The following PDE4D variants were observed in gnomAD, a reference collection of about 807,000 sequenced individuals.
PDE4D encodes phosphodiesterase 4D, also known as 3',5'-cyclic-AMP phosphodiesterase 4D.
PDE4D carries 24 observed loss-of-function variants against 87.4 expected under a neutral mutation model. The ratio of observed to expected loss-of-function variants is 0.27; its 90% CI spans 0.20 to 0.39. The LOEUF (loss-of-function observed/expected upper bound fraction) is 0.39. Ranked by LOEUF, PDE4D falls within the 10% of genes least tolerant of loss-of-function variation. PDE4D has a pLI of 1.00. For synonymous variants in PDE4D, 384 were observed against 383.2 expected (o/e 1.00, Z -0.02); for missense variants, 714 against 1,041.0 (o/e 0.69, Z 4.32).
At chr5:59,199,953 T>C (rs538737095) in intron 2 of PDE4D, among the ~76,000 whole-genome samples, 6 of 151,598 alleles carry the variant, frequency 4.0e-5, no homozygotes, top group African/African-American at 1.5e-4. Context: ...TATACATACA[T>C]GTATACATAC....
chr5:59,126,159 G>C (rs1410200062), intron 5 of PDE4D, among the ~76,000 whole-genome samples: 1 of 148,086 alleles, frequency 6.8e-6, no homozygotes, highest in East Asian at 1.9e-4. Context: ...AAAAGGAAGG[G>C]AAGAAGGAAG....
chr5:59,213,683 C>T (rs1056826267), intron 2 of PDE4D, among the ~76,000 whole-genome samples: 1 of 152,082 alleles, frequency 6.6e-6, no homozygotes, highest in Admixed American at 6.6e-5. Flanking sequence ...ACTTTCAATT[C>T]ACTCCTTAAC....
intron 1 of PDE4D, among the ~76,000 whole-genome samples, chr5:59,537,631 A>C (rs1343518503): frequency 6.6e-6 from 1 of 152,210 alleles, no homozygotes; most frequent in Non-Finnish European, 1.5e-5. Flanking sequence ...GAAACTTTGC[A>C]GAATCATTTA....
chr5:59,372,545 G>A (rs1437462663), intron 1 of PDE4D, among the ~76,000 whole-genome samples: 1 of 152,114 alleles, frequency 6.6e-6, no homozygotes, highest in Non-Finnish European at 1.5e-5. Flanking sequence ...GTAAACACGT[G>A]GGCTGTACAG....
intron 1 of PDE4D, among the ~76,000 whole-genome samples, chr5:59,328,398 G>A (rs777764255): frequency 2.0e-4 from 30 of 152,178 alleles, no homozygotes; most frequent in Admixed American, 1.2e-3. Flanking sequence ...TTATATGGGA[G>A]TACATTCTAG....
chr5:60,065,541 C>T (rs370638488), intron 2 of PDE4D, among the ~76,000 whole-genome samples: 2 of 151,664 alleles, frequency 1.3e-5, no homozygotes, highest in East Asian at 3.9e-4. Flanking sequence ...TACCCATTAA[C>T]TCATCATTTA....
At chr5:60,340,165 T>C (rs376991721) in intron 1 of PDE4D, among the ~76,000 whole-genome samples, 1 of 136,498 alleles carries the variant, frequency 7.3e-6, no homozygotes, top group Non-Finnish European at 1.7e-5. Context: ...CACGGCGCGA[T>C]GTTCAGGGAA....
chr5:60,298,082 G>T (rs1223022741), intron 1 of PDE4D, among the ~76,000 whole-genome samples: 1 of 151,914 alleles, frequency 6.6e-6, no homozygotes, highest in Non-Finnish European at 1.5e-5. Flanking sequence ...TCATTTGGCT[G>T]TGGTTTACAT....
At chr5:59,428,698 A>T (rs539771864) in intron 1 of PDE4D, among the ~76,000 whole-genome samples, 23 of 152,318 alleles carry the variant, frequency 1.5e-4, no homozygotes, top group African/African-American at 5.3e-4. Flanking sequence ...GAATAAAAAG[A>T]CAACCTCTAT....
chr5:59,803,941 C>CTATATAT (rs1767445394), intron 1 of PDE4D, among the ~76,000 whole-genome samples: 12 of 152,194 alleles, frequency 7.9e-5, no homozygotes, highest in Admixed American at 1.3e-4. Context: ...AAAATAGTTA[C>CTATATAT]AAACTTGTAT....
intron 3 of PDE4D, among the ~76,000 whole-genome samples, chr5:59,932,058 C>T (rs982963314): frequency 6.6e-6 from 1 of 152,108 alleles, no homozygotes; most frequent in Non-Finnish European, 1.5e-5. Context: ...AGCCATGGCA[C>T]ATATGCCTTT....
intron 2 of PDE4D, among the ~76,000 whole-genome samples, chr5:60,129,563 A>C (rs1029800626): frequency 6.6e-6 from 1 of 152,164 alleles, no homozygotes; most frequent in Non-Finnish European, 1.5e-5. Flanking sequence ...TGTGGAACCC[A>C]TGTGAATGTA....
chr5:60,323,608 G>A (rs997763084), intron 1 of PDE4D, among the ~76,000 whole-genome samples: 1 of 152,140 alleles, frequency 6.6e-6, no homozygotes, highest in Admixed American at 6.5e-5. Flanking sequence ...GCTAAAAAGA[G>A]CTGTCTAAAT....
intron 1 of PDE4D, among the ~76,000 whole-genome samples, chr5:59,260,468 T>C (rs1361848616): frequency 6.6e-6 from 1 of 151,858 alleles, no homozygotes; most frequent in African/African-American, 2.4e-5. Flanking sequence ...TCTATCTCTT[T>C]TATACACTTA....
intron 1 of PDE4D, chr5:59,430,216 A>G (rs1272719170): frequency 1.1e-5 from 13 of 1,189,496 alleles, no homozygotes; most frequent in Non-Finnish European, 1.4e-5. Flanking sequence ...CCATTTCAGC[A>G]GACATCCAAA....
intron 3 of PDE4D, among the ~76,000 whole-genome samples, chr5:59,973,600 A>G (rs1187087527): frequency 6.6e-6 from 1 of 152,216 alleles, no homozygotes; most frequent in African/African-American, 2.4e-5. Context: ...TGAACAGAAC[A>G]TACCAGAATT....
chr5:60,066,623 A>G (rs1772130007), intron 2 of PDE4D, among the ~76,000 whole-genome samples: 1 of 151,788 alleles, frequency 6.6e-6, no homozygotes, highest in South Asian at 2.1e-4. Context: ...CATCATCATC[A>G]TCATCTCAGG....
intron 1 of PDE4D, among the ~76,000 whole-genome samples, chr5:59,598,379 A>C (rs146377555): frequency 9.2e-5 from 14 of 152,336 alleles, no homozygotes; most frequent in African/African-American, 3.1e-4. Context: ...AGTGGGCAAC[A>C]TAGCACATGA....
chr5:59,684,619 C>T (rs1749558227), intron 1 of PDE4D, among the ~76,000 whole-genome samples: 1 of 152,140 alleles, frequency 6.6e-6, no homozygotes, highest in Admixed American at 6.5e-5. Flanking sequence ...ATCTAACAGT[C>T]TCTGTGTGGG....
Sources: allele counts gnomAD v4.1 joint callset (sites outside exome capture counted in the v4.1 genomes callset), GRCh38; gene constraint gnomAD v4.1.1; transcripts MANE v1.5; gene names NCBI Gene and HGNC (gene_info 2026-07-23, HGNC 2026-07-21).